Variants in RIMS1 observed in about 807,000 individuals in gnomAD.
RIMS1 encodes regulating synaptic membrane exocytosis protein 1.
A neutral mutation model predicts 214.1 loss-of-function variants in RIMS1; 83 were observed. The ratio of observed to expected loss-of-function variants is 0.39; its 90% confidence interval spans 0.32 to 0.47. The LOEUF is 0.47. Among genes scored for constraint, RIMS1 ranks in the 20% least tolerant of loss-of-function variants. The probability of loss-of-function intolerance (pLI) is 0.99; values close to 1 mark genes in which losing one functional copy is unlikely to be tolerated. For missense variants in RIMS1, 2,050 were observed against 2,161.8 expected, an observed-to-expected ratio of 0.95 and a Z score of 1.03; for synonymous variants, 793 against 786.8, an observed-to-expected ratio of 1.01 and a Z score of -0.13.
intron 23 of RIMS1, among the ~76,000 whole-genome samples, chr6:72,278,619 G>C (rs1204767803): frequency 6.6e-6 from 1 of 151,828 alleles, no homozygotes; most frequent in African/African-American, 2.4e-5. Flanking sequence ...ATTTCTTTTT[G>C]TTCTATAATA....
At chr6:72,013,376 C>A (rs1286301738) in intron 2 of RIMS1, among the ~76,000 whole-genome samples, 1 of 152,080 alleles carries the variant, frequency 6.6e-6, no homozygotes, top group Non-Finnish European at 1.5e-5. Flanking sequence ...ATTCACCAAC[C>A]ATCTTTTGAA....
chr6:72,196,580 C>CTTTTTTTTTTTTTGTTTT (rs2050982423), intron 6 of RIMS1, among the ~76,000 whole-genome samples: 1 of 57,214 alleles, frequency 1.7e-5, no homozygotes, highest in Non-Finnish European at 3.1e-5. Context: ...GCCAGCTGCA[C>CTTTTTTTTTTTTTGTTTT]TTTTTTTTTT....
chr6:72,212,927 A>G, intron 6 of RIMS1: 7 of 1,373,494 alleles, frequency 5.1e-6, no homozygotes, highest in Non-Finnish European at 6.6e-6. Flanking sequence ...TCAGTCATGC[A>G]AGGAGACTTT....
At position 72,252,858 on chromosome 6, in the gene RIMS1, G is replaced by C. The variant is rs1365111203; in HGVS notation, c.2770+26G>C. 2.6e-6 allele frequency: 4 copies of C among 1,515,972 alleles called. No individual in the cohort carries two copies. In the South Asian group the frequency reaches 4.8e-5, roughly 18 times the overall value. 93.9% of individuals were successfully genotyped at this position (1,515,972 alleles called of 1,614,324 possible). ...GTGCGTGGGTGAGGAGCATGACCCTGCTTCACTGTGCTGCTTTGCTTGTTT... is the reference window on the plus strand; with the variant it reads ...GTGCGTGGGTGAGGAGCATGACCCTCCTTCACTGTGCTGCTTTGCTTGTTT... On this transcript the variant is annotated intron_variant, in intron 16 of 33. Transcript: ENST00000521978.
Position 72,338,723 on chromosome 6 carries a change from A to G in RIMS1, c.4366+4888A>G, listed in dbSNP as rs574348087. On this transcript the variant is annotated intron_variant, in intron 29 of 33. Transcript: ENST00000521978. ...AAAACACACAAGACATACTATTCCCATTTTAAAGTTGAAGACACTGAGACT... is the reference window on the plus strand; with the variant it reads ...AAAACACACAAGACATACTATTCCCGTTTTAAAGTTGAAGACACTGAGACT... 2.0e-5 allele frequency among the ~76,000 whole-genome samples: 3 copies of G among 151,896 alleles called. No individual in the cohort carries two copies. In the East Asian group the frequency reaches 5.9e-4, roughly 30 times the overall value.
chr6:71,905,531 A>G (rs1325277746), intron 1 of RIMS1, among the ~76,000 whole-genome samples: 2 of 152,298 alleles, frequency 1.3e-5, no homozygotes, highest in East Asian at 3.9e-4. Flanking sequence ...TTTGCTGAGC[A>G]CTAATTTCAG....
At chr6:72,393,913 C>T (rs1052400228) in intron 31 of RIMS1, among the ~76,000 whole-genome samples, 4 of 151,902 alleles carry the variant, frequency 2.6e-5, no homozygotes, top group African/African-American at 7.3e-5. Flanking sequence ...GGTACATACT[C>T]GGCCCCAAGC....
At chr6:72,013,217 C>T (rs992649412) in intron 2 of RIMS1, among the ~76,000 whole-genome samples, 33 of 152,228 alleles carry the variant, frequency 2.2e-4, no homozygotes, top group African/African-American at 5.5e-4. Flanking sequence ...ATATTGCCTA[C>T]GCCTGTCTGG....
intron 26 of RIMS1, 136 bp downstream of exon 26, chr6:72,292,182 T>G: frequency 1.6e-6 from 1 of 607,652 alleles, no homozygotes; most frequent in Non-Finnish European, 2.8e-6. Flanking sequence ...TTTCTTACAG[T>G]TTTATCCCCA....
At chr6:72,133,118 T>G (rs1310390725) in intron 4 of RIMS1, among the ~76,000 whole-genome samples, 1 of 152,080 alleles carries the variant, frequency 6.6e-6, no homozygotes, top group African/African-American at 2.4e-5. Context: ...AAAAAGGTAA[T>G]GTGGAATTTC....
intron 2 of RIMS1, among the ~76,000 whole-genome samples, chr6:72,028,233 T>C (rs1817088473): frequency 6.6e-6 from 1 of 152,182 alleles, no homozygotes; most frequent in South Asian, 2.1e-4. Context: ...TTAACACTTT[T>C]GTCATAATAT....
chr6:72,222,515 T>C (rs2058805745), intron 6 of RIMS1, among the ~76,000 whole-genome samples: 1 of 152,138 alleles, frequency 6.6e-6, no homozygotes, highest in East Asian at 1.9e-4. Context: ...CAATATTTAA[T>C]AAACAGTTGC....
intron 31 of RIMS1, among the ~76,000 whole-genome samples, chr6:72,397,880 G>GT (rs1387304267): frequency 6.6e-6 from 1 of 152,078 alleles, no homozygotes; most frequent in East Asian, 1.9e-4. Flanking sequence ...AATATTAATG[G>GT]TGGCTTTCTC....
At chr6:72,104,866 A>G (rs1180947853) in intron 4 of RIMS1, among the ~76,000 whole-genome samples, 3 of 152,090 alleles carry the variant, frequency 2.0e-5, no homozygotes, top group South Asian at 2.1e-4. Flanking sequence ...TCCTCACATT[A>G]CCAGTCTGGA....
At chr6:72,181,037 G>T (rs2153968644) in intron 5 of RIMS1, among the ~76,000 whole-genome samples, 1 of 152,324 alleles carries the variant, frequency 6.6e-6, no homozygotes, top group East Asian at 1.9e-4. Context: ...GATAAACACT[G>T]TGCCAGGAAC....
intron 1 of RIMS1, among the ~76,000 whole-genome samples, chr6:71,931,534 A>G (rs1229223259): frequency 3.3e-5 from 5 of 152,044 alleles, no homozygotes; most frequent in Non-Finnish European, 7.4e-5. Flanking sequence ...TTTTCTTTTA[A>G]GAGACAAGGT....
At chr6:72,227,005 A>G (rs2060388771) in intron 6 of RIMS1, among the ~76,000 whole-genome samples, 1 of 152,064 alleles carries the variant, frequency 6.6e-6, no homozygotes, top group East Asian at 1.9e-4. Context: ...CAAGGTTAAT[A>G]GAGATGAGGA....
At chr6:71,955,559 G>A (rs889448819) in intron 1 of RIMS1, among the ~76,000 whole-genome samples, 1 of 152,046 alleles carries the variant, frequency 6.6e-6, no homozygotes, top group Non-Finnish European at 1.5e-5. Context: ...CATAGGATAG[G>A]TTGCTTTGTT....
At chr6:72,196,677 C>T (rs1247566645) in intron 6 of RIMS1, among the ~76,000 whole-genome samples, 1 of 141,680 alleles carries the variant, frequency 7.1e-6, no homozygotes, top group African/African-American at 2.7e-5. Context: ...GTTTTTCTTA[C>T]TCCATGAGAC....
Sources: allele counts gnomAD v4.1 joint callset (sites outside exome capture counted in the v4.1 genomes callset), GRCh38; gene constraint gnomAD v4.1.1; transcripts MANE v1.5; gene names NCBI Gene and HGNC (gene_info 2026-07-23, HGNC 2026-07-21).